Variants in SLC12A2 observed in about 807,000 individuals in gnomAD.
SLC12A2 encodes the protein solute carrier family 12 member 2, also known as Na-K-2Cl cotransporter 1.
SLC12A2 carries 67 observed loss-of-function variants against 136.3 expected under a neutral mutation model. The ratio of observed to expected loss-of-function variants is 0.49; its 90% confidence interval spans 0.40 to 0.60. The LOEUF (loss-of-function observed/expected upper bound fraction) is 0.60, where lower values mean the gene tolerates loss of function less well. SLC12A2 is among the 20% of genes least tolerant of loss of function. SLC12A2 has a pLI of 0.00. For synonymous variants in SLC12A2, 619 were observed against 562.9 expected (o/e 1.10, Z -1.41); for missense variants, 1,322 against 1,534.7 (o/e 0.86, Z 2.32).
intron 1 of SLC12A2, among the ~76,000 whole-genome samples, chr5:128,108,408 G>A (rs900064947): frequency 1.1e-4 from 16 of 151,974 alleles, no homozygotes; most frequent in African/African-American, 3.9e-4. Flanking sequence ...CAGCCCAAAT[G>A]TCCAACTGAT....
At chr5:128,158,497 C>T (rs77748465) in intron 16 of SLC12A2, among the ~76,000 whole-genome samples, 1 of 152,176 alleles carries the variant, frequency 6.6e-6, no homozygotes, top group Non-Finnish European at 1.5e-5. Flanking sequence ...ATAATAGCTT[C>T]TAGCTGCAGC....
At chr5:128,183,684 T>TC (rs1204224709) in intron 24 of SLC12A2, among the ~76,000 whole-genome samples, 2 of 152,058 alleles carry the variant, frequency 1.3e-5, no homozygotes, top group African/African-American at 2.4e-5. Context: ...TCTGCCCTTT[T>TC]CCCCTTCAAA....
chr5:128,113,393 A>G (rs1280624198), intron 2 of SLC12A2, among the ~76,000 whole-genome samples: 1 of 152,202 alleles, frequency 6.6e-6, no homozygotes, highest in African/African-American at 2.4e-5. Context: ...CAGGAGAAAT[A>G]CTTAAATGTT....
intron 1 of SLC12A2, among the ~76,000 whole-genome samples, chr5:128,091,592 T>G (rs1760320845): frequency 6.6e-6 from 1 of 152,168 alleles, no homozygotes. Flanking sequence ...GGTGTCTCAT[T>G]TAAACCATGA....
At chr5:128,109,899 C>T (rs753083870) in intron 1 of SLC12A2, 41 of 798,430 alleles carry the variant, frequency 5.1e-5, no homozygotes, top group Non-Finnish European at 8.0e-5. Context: ...TGTGACTGGC[C>T]TTTGCAAGAT....
intron 5 of SLC12A2, among the ~76,000 whole-genome samples, chr5:128,133,876 A>G (rs1366955025): frequency 6.6e-6 from 1 of 152,080 alleles, no homozygotes; most frequent in Non-Finnish European, 1.5e-5. Context: ...AGTATTAGTT[A>G]TAACTTTTTT....
intron 1 of SLC12A2, among the ~76,000 whole-genome samples, chr5:128,091,056 G>A (rs560035496): frequency 9.9e-5 from 15 of 152,222 alleles, no homozygotes; most frequent in Admixed American, 2.6e-4. Flanking sequence ...GTAGAAGGCA[G>A]GAAACCAGTT....
chr5:128,107,367 C>T (rs905247214), intron 1 of SLC12A2, among the ~76,000 whole-genome samples: 4 of 152,078 alleles, frequency 2.6e-5, no homozygotes, highest in Non-Finnish European at 4.4e-5. Flanking sequence ...TAGGTATACA[C>T]GTAACATGGT....
At chr5:128,132,047 C>G (rs1052995742) in intron 5 of SLC12A2, among the ~76,000 whole-genome samples, 1 of 152,026 alleles carries the variant, frequency 6.6e-6, no homozygotes, top group African/African-American at 2.4e-5. Context: ...TTGTATGGTT[C>G]AAGCACAAAA....
intron 17 of SLC12A2, 103 bp downstream of exon 17, chr5:128,161,903 A>C (rs1763051462): frequency 2.4e-6 from 2 of 817,486 alleles, no homozygotes; most frequent in South Asian, 5.2e-5. Context: ...TAAAAATGGC[A>C]AATCTTTTTT....
intron 1 of SLC12A2, among the ~76,000 whole-genome samples, chr5:128,098,608 AT>A (rs1760630695): frequency 6.6e-6 from 1 of 151,798 alleles, no homozygotes. Flanking sequence ...GTTTTTAAAA[AT>A]ATTCTTCTGA....
chr5:128,186,443 G>A (rs1323500583), intron 26 of SLC12A2, 53 bp from the exon 27 acceptor site: 14 of 1,531,968 alleles, frequency 9.1e-6, no homozygotes, highest in African/African-American at 2.9e-5. Flanking sequence ...ATTTTATTCT[G>A]TAAATGCATT....
At chr5:128,109,570 G>A (rs1168058746) in intron 1 of SLC12A2, 7 of 710,660 alleles carry the variant, frequency 9.9e-6, no homozygotes, top group Non-Finnish European at 1.6e-5. Flanking sequence ...TGAGTCCGGA[G>A]AAGAGCAAAA....
In SLC12A2 at chr5:128,085,008, T is replaced by C. The variant is rs1864922; in HGVS notation, c.756+298T>C. 0.35 allele frequency among the ~76,000 whole-genome samples: 51,484 copies of C among 149,116 alleles called. 11,509 individuals carry two copies. Among genetic ancestry groups the C allele is most frequent in the African/African-American group, 0.64 (25,536 of 40,066 alleles). On this transcript the variant is annotated intron_variant, in intron 1 of 26. Transcript: ENST00000262461. ...TCCCACCCACGCTCAACAGTCACCA[T>C]CCCTCTGAATGACAGTAGTGTTTGT...
chr5:128,092,536 A>G (rs896708296), intron 1 of SLC12A2, among the ~76,000 whole-genome samples: 3 of 152,250 alleles, frequency 2.0e-5, no homozygotes, highest in Non-Finnish European at 4.4e-5. Flanking sequence ...CATTTAAAAA[A>G]GTAAAGAATC....
chr5:128,174,516 A>G (rs1763481088), intron 19 of SLC12A2, 25 bp from the exon 20 acceptor site: 2 of 1,555,146 alleles, frequency 1.3e-6, no homozygotes, highest in Non-Finnish European at 8.8e-7. Flanking sequence ...CTTAGATACT[A>G]TTTTAAATAA....
At chr5:128,105,791 C>T (rs1291375772) in intron 1 of SLC12A2, among the ~76,000 whole-genome samples, 1 of 152,148 alleles carries the variant, frequency 6.6e-6, no homozygotes, top group Non-Finnish European at 1.5e-5. Context: ...CTATTTTCTA[C>T]ATACTCAGAA....
chr5:128,109,386 G>A (rs904586336), intron 1 of SLC12A2: 1 of 323,564 alleles, frequency 3.1e-6, no homozygotes, highest in African/African-American at 2.2e-5. Context: ...TGGAGTCGCT[G>A]TGATTGGCCG....
intron 6 of SLC12A2, among the ~76,000 whole-genome samples, chr5:128,134,952 A>G (rs1312899041): frequency 1.3e-5 from 2 of 152,106 alleles, no homozygotes; most frequent in Non-Finnish European, 2.9e-5. Flanking sequence ...TAATTTTTTC[A>G]ATCTTGTTCT....
Sources: gnomAD v4.1 joint callset for allele counts (sites outside exome capture counted in the v4.1 genomes callset) on GRCh38, gnomAD v4.1.1 for gene constraint, MANE v1.5 for transcripts, NCBI Gene and HGNC (gene_info 2026-07-23, HGNC 2026-07-21) for gene names.